Variants in PAPSS1 observed in about 807,000 individuals in gnomAD.
The protein encoded by PAPSS1 is bifunctional 3'-phosphoadenosine 5'-phosphosulfate synthase 1.
PAPSS1 carries 50 observed loss-of-function variants against 72.0 expected under a neutral mutation model. The ratio of observed to expected loss-of-function variants is 0.69; its 90% confidence interval spans 0.55 to 0.88. PAPSS1 has a LOEUF of 0.88. PAPSS1 is among the 40% of genes least tolerant of loss of function. The pLI is 0.00. For synonymous variants in PAPSS1, 261 were observed against 263.6 expected, an observed-to-expected ratio of 0.99 and a Z score of 0.09; for missense variants, 657 against 782.2, an observed-to-expected ratio of 0.84 and a Z score of 1.91.
intron 5 of PAPSS1, among the ~76,000 whole-genome samples, chr4:107,677,512 C>T (rs1727685732): frequency 6.6e-6 from 1 of 152,004 alleles, no homozygotes; most frequent in Non-Finnish European, 1.5e-5. Context: ...GTTAGAATGG[C>T]GATCATTAAA....
chr4:107,675,038 G>A (rs985891535), intron 5 of PAPSS1, among the ~76,000 whole-genome samples: 12 of 152,070 alleles, frequency 7.9e-5, no homozygotes, highest in African/African-American at 2.9e-4. Context: ...AAAGCAGTGT[G>A]TAGAGAGAAA....
At chr4:107,684,347 A>G (rs573706280) in intron 4 of PAPSS1, among the ~76,000 whole-genome samples, 68 of 152,342 alleles carry the variant, frequency 4.5e-4, no homozygotes, top group African/African-American at 1.4e-3. Flanking sequence ...TGACTCTGGC[A>G]TAACATTGCA....
At chr4:107,632,728 T>G (rs1405877413) in intron 10 of PAPSS1, among the ~76,000 whole-genome samples, 1 of 152,324 alleles carries the variant, frequency 6.6e-6, no homozygotes, top group African/African-American at 2.4e-5. Context: ...CCCGAAAGGT[T>G]AAATGACTGG....
chr4:107,615,159 T>C (rs910211739), intron 11 of PAPSS1, among the ~76,000 whole-genome samples: 3 of 152,128 alleles, frequency 2.0e-5, no homozygotes, highest in African/African-American at 7.2e-5. Flanking sequence ...AGAGGTAGTG[T>C]TGATAGTTTT....
At chr4:107,640,751 G>A (rs1726516759) in intron 10 of PAPSS1, among the ~76,000 whole-genome samples, 1 of 152,148 alleles carries the variant, frequency 6.6e-6, no homozygotes, top group African/African-American at 2.4e-5. Flanking sequence ...AATTTCCAAA[G>A]CTTATTCTTT....
chr4:107,663,203 AC>A (rs1727232286), intron 5 of PAPSS1, among the ~76,000 whole-genome samples: 3 of 152,112 alleles, frequency 2.0e-5, no homozygotes, highest in African/African-American at 7.2e-5. Flanking sequence ...CATCTTCAAA[AC>A]CAACGAGATA....
intron 3 of PAPSS1, among the ~76,000 whole-genome samples, chr4:107,693,421 A>G (rs1333441147): frequency 6.6e-6 from 1 of 152,246 alleles, no homozygotes; most frequent in Non-Finnish European, 1.5e-5. Context: ...ACATGTTAAG[A>G]AAGTTAGATT....
At chr4:107,686,155 A>T (rs1722782039) in intron 4 of PAPSS1, among the ~76,000 whole-genome samples, 1 of 152,200 alleles carries the variant, frequency 6.6e-6, no homozygotes, top group Non-Finnish European at 1.5e-5. Context: ...CTAAATGTCC[A>T]TCACAGTTGA....
chr4:107,682,024 T>C lies in PAPSS1; in HGVS notation c.660A>G (p.Leu220=), dbSNP rs781361759. ...TTTCATCCTCTCTTACCCGTTCCTG[T>C]AGAAGTTCCACAACTTGCTGGACAC... ...NDCVQQVVEL[L]QERDIVPVDA... The change falls in exon 5 of 12, where the codon CTA becomes CTG. Residue 220 remains leucine, a synonymous_variant. Transcript: ENST00000265174. 1.5e-5 allele frequency: 23 copies of C among 1,552,336 alleles called. No homozygotes were observed. Among genetic ancestry groups the C allele is most frequent in the South Asian group, 3.4e-5 (3 of 88,528 alleles).
chr4:107,624,464 T>A (rs944798041), intron 11 of PAPSS1, among the ~76,000 whole-genome samples: 5 of 152,194 alleles, frequency 3.3e-5, no homozygotes, highest in African/African-American at 1.2e-4. Context: ...TAGCAATGGC[T>A]TGCAAGCAAA....
chr4:107,623,557 T>C lies in PAPSS1; in HGVS notation c.1736+8074A>G, dbSNP rs544835248. On this transcript the variant is annotated intron_variant, in intron 11 of 11. Coordinates refer to ENST00000265174, the MANE Select transcript of PAPSS1 (RefSeq NM_005443.5). ...TAAGTCTGGCCCATTTGAGCAGAGC[T>C]TTCAGCTTTCGAGCTTAAAGTAGAA... Among the ~76,000 whole-genome samples, 5 of 152,330 alleles carry C rather than the reference T, an allele frequency of 3.3e-5. No homozygotes were observed. The East Asian group carries it at 9.6e-4, about 29-fold the overall frequency.
chr4:107,619,813 T>G (rs892838943), intron 11 of PAPSS1, among the ~76,000 whole-genome samples: 6 of 152,310 alleles, frequency 3.9e-5, no homozygotes, highest in African/African-American at 1.4e-4. Flanking sequence ...TGGTTACAGA[T>G]TCTTATAATC....
rs750638550 is a variant in PAPSS1, at chr4:107,614,400, A to G, written c.1737-13T>C. 1.3e-5 allele frequency: 21 copies of G among 1,590,054 alleles called. 2 individuals carry two copies. The South Asian group carries it at 2.2e-4, about 16-fold the overall frequency. Reference sequence around the variant, plus strand: ...AAAGTCTTCATGGCTAAAGGAGAGGAAAAAAAGAAAATTATTTCATAATTT... The same window carrying G: ...AAAGTCTTCATGGCTAAAGGAGAGGGAAAAAAGAAAATTATTTCATAATTT... On this transcript the variant is annotated splice_polypyrimidine_tract_variant and intron_variant, in intron 11 of 11. Coordinates refer to ENST00000265174, the MANE Select transcript of PAPSS1 (RefSeq NM_005443.5).
At chr4:107,682,195 C>T in intron 4 of PAPSS1, 62 bp from the exon 5 acceptor site, 1 of 835,490 alleles carries the variant, frequency 1.2e-6, no homozygotes, top group Non-Finnish European at 2.0e-6. Flanking sequence ...TTTATTTTTT[C>T]AGTGCAGATC....
At position 107,720,183 on chromosome 4, in the gene PAPSS1, C is replaced by T. The variant is rs201199394; in HGVS notation, c.-4G>A. ...ACAGGCTCCCGGGGATCTCCATGAC[C>T]GCGGAGCGCGCTGAGCAGCCGGGGT... On this transcript the variant is annotated 5_prime_UTR_variant, in exon 1 of 12. Coordinates refer to ENST00000265174, the MANE Select transcript of PAPSS1 (RefSeq NM_005443.5). The T allele has an allele frequency of 2.7e-3, 4,378 of 1,601,080 alleles. 10 individuals are homozygous for T. Among genetic ancestry groups the T allele is most frequent in the Non-Finnish European group, 3.4e-3 (3,942 of 1,174,846 alleles).
chr4:107,619,771 T>TCTGTTTG (rs1725910257), intron 11 of PAPSS1, among the ~76,000 whole-genome samples: 2 of 152,204 alleles, frequency 1.3e-5, no homozygotes, highest in South Asian at 4.1e-4. Flanking sequence ...GAAATACAAG[T>TCTGTTTG]ATGTTTGCTT....
In PAPSS1 at chr4:107,654,185, G is replaced by A. The variant is rs550773987; in HGVS notation, c.1101+510C>T. On this transcript the variant is annotated intron_variant, in intron 8 of 11. Transcript: ENST00000265174. ...GGCTTATGTGCCAACAATGTGCCCA[G>A]CTTCTTTCTCAGTCTACCTTAACAC... Among the ~76,000 whole-genome samples the A allele has an allele frequency of 7.2e-4, 109 of 152,294 alleles. No individual in the cohort carries two copies. In the South Asian group the frequency reaches 0.019, roughly 27 times the overall value.
chr4:107,713,075 T>C (rs551763838), intron 1 of PAPSS1, among the ~76,000 whole-genome samples: 56 of 151,820 alleles, frequency 3.7e-4, no homozygotes, highest in African/African-American at 1.3e-3. Flanking sequence ...GCCTCCTGAG[T>C]AGCTGGGATT....
chr4:107,631,591 G>A (rs1451917619), intron 11 of PAPSS1, 40 bp downstream of exon 11: 14 of 1,424,024 alleles, frequency 9.8e-6, no homozygotes, highest in East Asian at 4.6e-5. Flanking sequence ...GCTAGACCAC[G>A]AAGTACTTCA....
Sources: allele counts gnomAD v4.1 joint callset (sites outside exome capture counted in the v4.1 genomes callset), GRCh38; gene constraint gnomAD v4.1.1; transcripts MANE v1.5; gene names NCBI Gene and HGNC (gene_info 2026-07-23, HGNC 2026-07-21).